GRM5: variants seen among roughly 807,000 people sequenced by gnomAD.
GRM5 encodes the protein glutamate metabotropic receptor 5.
Under a neutral mutation model 83.1 loss-of-function variants are expected in GRM5, and 19 were observed. That is an observed-to-expected ratio of 0.23 (90% CI 0.16 to 0.34). GRM5 has a LOEUF of 0.34. Among genes scored for constraint, GRM5 ranks in the 10% least tolerant of loss-of-function variants. The pLI is 1.00. For synonymous variants in GRM5, 675 were observed against 633.6 expected, an observed-to-expected ratio of 1.07 and a Z score of -0.98; for missense variants, 1,160 against 1,588.3, an observed-to-expected ratio of 0.73 and a Z score of 4.58.
At chr11:88,579,359 C>G (rs144692801) in intron 7 of GRM5, among the ~76,000 whole-genome samples, 12 of 152,178 alleles carry the variant, frequency 7.9e-5, no homozygotes, top group African/African-American at 2.6e-4. Flanking sequence ...TGTATTTTGG[C>G]TTATATCCTA....
At chr11:88,881,900 C>T (rs1338476006) in intron 2 of GRM5, among the ~76,000 whole-genome samples, 4 of 135,408 alleles carry the variant, frequency 3.0e-5, no homozygotes, top group Non-Finnish European at 6.4e-5. Flanking sequence ...AAAACTGAGG[C>T]TTTGGAGTTC....
At chr11:88,663,760 T>C (rs1387207350) in intron 3 of GRM5, among the ~76,000 whole-genome samples, 1 of 152,188 alleles carries the variant, frequency 6.6e-6, no homozygotes, top group East Asian at 1.9e-4. Context: ...ATTTCTCCTC[T>C]TCTTAATTGC....
chr11:89,046,277 T>C (rs773120641), intron 2 of GRM5, among the ~76,000 whole-genome samples: 4 of 152,232 alleles, frequency 2.6e-5, no homozygotes, highest in Non-Finnish European at 5.9e-5. Flanking sequence ...GATATGTTAA[T>C]GCAGAATTTT....
intron 2 of GRM5, among the ~76,000 whole-genome samples, chr11:88,885,168 T>C (rs1945021809): frequency 6.6e-6 from 1 of 151,930 alleles, no homozygotes; most frequent in Non-Finnish European, 1.5e-5. Flanking sequence ...TTTTAGGCTC[T>C]AGTTTAAATC....
chr11:88,924,741 A>G (rs145282258), intron 2 of GRM5, among the ~76,000 whole-genome samples: 71 of 151,988 alleles, frequency 4.7e-4, no homozygotes, highest in African/African-American at 1.6e-3. Flanking sequence ...ATTATAATGT[A>G]CAGCATTATA....
chr11:88,848,002 T>A (rs1437282501), intron 3 of GRM5, among the ~76,000 whole-genome samples: 3 of 152,212 alleles, frequency 2.0e-5, no homozygotes, highest in Non-Finnish European at 2.9e-5. Flanking sequence ...TGCTGATTTT[T>A]CTTATTAATG....
chr11:88,992,069 A>G (rs1191018908), intron 2 of GRM5, among the ~76,000 whole-genome samples: 2 of 152,204 alleles, frequency 1.3e-5, no homozygotes, highest in Non-Finnish European at 2.9e-5. Context: ...CATCAGAGTG[A>G]ACAGGCAACC....
chr11:88,785,391 G>A (rs1943049911), intron 3 of GRM5, among the ~76,000 whole-genome samples: 1 of 152,046 alleles, frequency 6.6e-6, no homozygotes, highest in Admixed American at 6.6e-5. Flanking sequence ...AGAAAGGCTA[G>A]TTTGTACTGA....
At chr11:88,630,044 C>G (rs944176319) in intron 4 of GRM5, among the ~76,000 whole-genome samples, 1 of 152,166 alleles carries the variant, frequency 6.6e-6, no homozygotes, top group African/African-American at 2.4e-5. Context: ...GGCTTTATTC[C>G]TGTGATTTCC....
chr11:88,745,979 A>G (rs1173074722), intron 3 of GRM5, among the ~76,000 whole-genome samples: 1 of 152,196 alleles, frequency 6.6e-6, no homozygotes, highest in Admixed American at 6.5e-5. Context: ...CTAAGATCAC[A>G]TATCTCAGAA....
At chr11:89,040,406 GATA>G (rs1941501736) in intron 2 of GRM5, among the ~76,000 whole-genome samples, 1 of 152,062 alleles carries the variant, frequency 6.6e-6, no homozygotes, top group African/African-American at 2.4e-5. Context: ...GAGGAAAAAT[GATA>G]AATAAGAAAG....
At chr11:89,014,982 G>A (rs529514652) in intron 2 of GRM5, among the ~76,000 whole-genome samples, 13 of 152,236 alleles carry the variant, frequency 8.5e-5, no homozygotes, top group East Asian at 1.9e-4. Flanking sequence ...TTCATAGGGC[G>A]GCCAGAACCC....
At chr11:89,026,888 A>T (rs1941140715) in intron 2 of GRM5, among the ~76,000 whole-genome samples, 1 of 152,188 alleles carries the variant, frequency 6.6e-6, no homozygotes, top group African/African-American at 2.4e-5. Flanking sequence ...TTGAAGTCAT[A>T]TGTTTTAAGT....
intron 2 of GRM5, among the ~76,000 whole-genome samples, chr11:88,964,081 G>A (rs1418079919): frequency 6.6e-6 from 1 of 152,126 alleles, no homozygotes; most frequent in Admixed American, 6.6e-5. Context: ...TAGGTTGACT[G>A]AAAATTTTAT....
intron 4 of GRM5, among the ~76,000 whole-genome samples, chr11:88,632,355 C>T (rs1337955763): frequency 6.6e-6 from 1 of 151,360 alleles, no homozygotes. Flanking sequence ...GCCTCAGACC[C>T]CCAAGCACCT....
At chr11:88,799,126 G>C (rs1043849815) in intron 3 of GRM5, among the ~76,000 whole-genome samples, 42 of 151,972 alleles carry the variant, frequency 2.8e-4, no homozygotes, top group African/African-American at 9.4e-4. Context: ...AACTTAAAAA[G>C]TATTTGGCAC....
At chr11:88,831,819 C>A (rs569574289) in intron 3 of GRM5, among the ~76,000 whole-genome samples, 2 of 152,314 alleles carry the variant, frequency 1.3e-5, no homozygotes, top group East Asian at 3.9e-4. Flanking sequence ...ACCCACTGCT[C>A]AGGGACCTGA....
At chr11:88,854,783 A>AAAATT (rs907276533) in intron 2 of GRM5, among the ~76,000 whole-genome samples, 20 of 151,886 alleles carry the variant, frequency 1.3e-4, no homozygotes, top group Non-Finnish European at 2.2e-4. Flanking sequence ...GATATAAAAT[A>AAAATT]AAATTAAATT....
chr11:88,906,576 A>T (rs1230425469), intron 2 of GRM5, among the ~76,000 whole-genome samples: 1 of 152,186 alleles, frequency 6.6e-6, no homozygotes, highest in East Asian at 1.9e-4. Context: ...TGATAAATAG[A>T]TGTTGGTAAG....
Sources: allele counts gnomAD v4.1 joint callset (sites outside exome capture counted in the v4.1 genomes callset), GRCh38; gene constraint gnomAD v4.1.1; transcripts MANE v1.5; gene names NCBI Gene and HGNC (gene_info 2026-07-23, HGNC 2026-07-21).